Variants in PRKN observed in about 807,000 individuals in gnomAD.
PRKN encodes the protein E3 ubiquitin-protein ligase parkin.
In PRKN, 56 loss-of-function variants were observed where a neutral mutation model predicts 59.5. That is an observed-to-expected ratio of 0.94 (90% CI 0.76 to 1.18). The LOEUF is 1.18. Among genes scored for constraint, PRKN ranks in the 50% most tolerant of loss-of-function variants. The probability of loss-of-function intolerance (pLI) is 0.00; values close to 1 mark genes in which losing one functional copy is unlikely to be tolerated. For missense variants in PRKN, 657 were observed against 596.4 expected, an observed-to-expected ratio of 1.10 and a Z score of -1.06; for synonymous variants, 250 against 222.1, an observed-to-expected ratio of 1.13 and a Z score of -1.12.
intron 6 of PRKN, among the ~76,000 whole-genome samples, chr6:161,889,714 G>C (rs1795275277): frequency 6.6e-6 from 1 of 152,164 alleles, no homozygotes. Context: ...CAACACAACT[G>C]TAAGACAATT....
chr6:162,153,002 T>C lies in PRKN; in HGVS notation c.534+48129A>G, dbSNP rs114664902. On this transcript the variant is annotated intron_variant, in intron 4 of 11. Transcript: ENST00000366898. ...CTCCAAAGTCGATGATGTTCAAAAA[T>C]AGTAGATTAAACCAAATTAAACAGA... 5.2e-3 allele frequency among the ~76,000 whole-genome samples: 795 copies of C among 152,318 alleles called. 5 individuals carry two copies. Among genetic ancestry groups the C allele is most frequent in the African/African-American group, 0.018 (763 of 41,566 alleles).
At chr6:162,001,428 G>A (rs187417175) in intron 5 of PRKN, among the ~76,000 whole-genome samples, 23 of 152,078 alleles carry the variant, frequency 1.5e-4, no homozygotes, top group South Asian at 2.1e-4. Context: ...ATGTTATTGC[G>A]TTCTTAATCC....
At chr6:162,659,192 C>A (rs990435927) in intron 1 of PRKN, among the ~76,000 whole-genome samples, 4 of 152,118 alleles carry the variant, frequency 2.6e-5, no homozygotes, top group Admixed American at 2.0e-4. Flanking sequence ...AAATACAATT[C>A]ATTTCTGGCT....
rs1786483246 is a variant in PRKN, at chr6:161,391,063, T to A, written c.1084-4186A>T. On this transcript the variant is annotated intron_variant, in intron 9 of 11. Transcript: ENST00000366898. The surrounding 1 kb of genome is among the most constrained non-coding windows in gnomAD (Gnocchi z 4.9). ...TTCTTAAGACAGTGTTCGGGCCAGT[T>A]TGCAAACACTTCCCATGGCATAGCT... 3.9e-5 allele frequency among the ~76,000 whole-genome samples: 6 copies of A among 152,090 alleles called. No individual in the cohort carries two copies. The highest frequency in any genetic ancestry group is 3.9e-4 in the Admixed American group (6 of 15,274).
chr6:161,910,025 C>T (rs1029403154), intron 6 of PRKN, among the ~76,000 whole-genome samples: 3 of 152,096 alleles, frequency 2.0e-5, no homozygotes, highest in Admixed American at 6.5e-5. Context: ...AAGATGCTGA[C>T]GCTAGCCCTC....
intron 1 of PRKN, among the ~76,000 whole-genome samples, chr6:162,532,304 C>G (rs904642067): frequency 6.6e-6 from 1 of 152,216 alleles, no homozygotes; most frequent in Non-Finnish European, 1.5e-5. Flanking sequence ...TGCACGCACA[C>G]AAGCATATTC....
intron 4 of PRKN, among the ~76,000 whole-genome samples, chr6:162,085,723 A>C (rs1283055810): frequency 6.6e-6 from 1 of 152,102 alleles, no homozygotes; most frequent in East Asian, 1.9e-4. Context: ...ACTCTTTTCA[A>C]ATCAGGTGGG....
Position 161,419,545 on chromosome 6 carries a change from G to A in PRKN, c.1084-32668C>T, listed in dbSNP as rs536766624. Among the ~76,000 whole-genome samples the A allele has an allele frequency of 8.6e-5, 13 of 151,980 alleles. No homozygotes were observed. The highest frequency in any genetic ancestry group is 6.3e-4 in the South Asian group (3 of 4,792). ...TGGGATTACAGGTACACGCCACTGCGCCTGGCTAATTTTTGTATTTTTTTA... is the reference window on the plus strand; with the variant it reads ...TGGGATTACAGGTACACGCCACTGCACCTGGCTAATTTTTGTATTTTTTTA... On this transcript the variant is annotated intron_variant, in intron 9 of 11. Coordinates refer to ENST00000366898, the MANE Select transcript of PRKN (RefSeq NM_004562.3). This position sits in a 1 kb window ranked among gnomAD's most constrained non-coding sequence, Gnocchi z 4.1.
intron 4 of PRKN, among the ~76,000 whole-genome samples, chr6:162,200,643 A>G (rs1784687025): frequency 6.6e-6 from 1 of 152,164 alleles, no homozygotes; most frequent in African/African-American, 2.4e-5. Flanking sequence ...TTATATGCAT[A>G]CTGTTTGCTG....
At chr6:162,505,798 T>G (rs967856848) in intron 1 of PRKN, among the ~76,000 whole-genome samples, 2 of 152,134 alleles carry the variant, frequency 1.3e-5, no homozygotes, top group Admixed American at 6.6e-5. Context: ...AAACTGTGAG[T>G]ATTTGTCACA....
At chr6:161,421,949 G>T (rs1246454198) in intron 9 of PRKN, among the ~76,000 whole-genome samples, 1 of 152,052 alleles carries the variant, frequency 6.6e-6, no homozygotes, top group Non-Finnish European at 1.5e-5. Context: ...CAGAAGTAAA[G>T]AATTTTGATA....
intron 10 of PRKN, among the ~76,000 whole-genome samples, chr6:161,374,558 G>A (rs1562403568): frequency 1.1e-4 from 14 of 125,726 alleles, no homozygotes; most frequent in South Asian, 2.5e-4. Flanking sequence ...TGTGTGATGT[G>A]TGTGTGGTGT....
chr6:162,444,010 A>T (rs1168789987), intron 1 of PRKN, among the ~76,000 whole-genome samples: 1 of 152,190 alleles, frequency 6.6e-6, no homozygotes. Context: ...CACTGGGTCT[A>T]TGAAGACAAT....
rs377654828 is a variant in PRKN at position 161,867,740 on chromosome 6, C to CATTCATTTATTTATTTATTT, written c.735-81833_735-81832insAAATAAATAAATAAATGAAT. ...ATTAGCAATCATGGGAAAAATCTTT[C>CATTCATTTATTTATTTATTT]ATTTATTTATTTATTTATTTATTTA... On this transcript the variant is annotated intron_variant, in intron 6 of 11. Coordinates refer to ENST00000366898, the MANE Select transcript of PRKN (RefSeq NM_004562.3). Among the ~76,000 whole-genome samples the CATTCATTTATTTATTTATTT allele has an allele frequency of 1.4e-3, 197 of 137,600 alleles. 2 individuals carry two copies. The highest frequency in any genetic ancestry group is 5.2e-3 in the African/African-American group (177 of 34,196). The allele number at this position is 137,600 out of a possible 152,430, so 90.3% of individuals were successfully genotyped here.
intron 2 of PRKN, among the ~76,000 whole-genome samples, chr6:162,379,463 C>T (rs930493109): frequency 6.6e-6 from 1 of 152,154 alleles, no homozygotes; most frequent in African/African-American, 2.4e-5. Context: ...ACTTCTTTCT[C>T]TACCCCTCAA....
intron 2 of PRKN, among the ~76,000 whole-genome samples, chr6:162,407,818 C>A (rs529932242): frequency 1.1e-4 from 17 of 152,206 alleles, no homozygotes; most frequent in South Asian, 4.1e-4. Context: ...TAATGTCTTG[C>A]TAGAGCAAAG....
At chr6:162,387,555 CAG>C (rs60548327) in intron 2 of PRKN, among the ~76,000 whole-genome samples, 12,345 of 94,088 alleles carry the variant, frequency 0.13, 715 homozygotes, top group East Asian at 0.3. Context: ...CACACACACA[CAG>C]AGAGAGAGAG....
chr6:162,450,411 G>A (rs933885046), intron 1 of PRKN, among the ~76,000 whole-genome samples: 1 of 148,232 alleles, frequency 6.7e-6, no homozygotes, highest in Admixed American at 6.8e-5. Context: ...CCCTATGATT[G>A]TAACACCCCT....
rs1490934252 is a variant in PRKN at position 161,466,492 on chromosome 6, C to T, written c.1084-79615G>A. 6.6e-6 allele frequency among the ~76,000 whole-genome samples: 1 copy of T among 152,160 alleles called. No homozygotes were observed. The highest frequency in any genetic ancestry group is 6.5e-5 in the Admixed American group (1 of 15,280). ...TAGTTTCTATTTTTGCACTCATCTG[C>T]TCTGATCTGTTTAGGCAGAAGCTTA... is the stretch of plus-strand genomic sequence containing the variant. On this transcript the variant is annotated intron_variant, in intron 9 of 11. Coordinates refer to ENST00000366898, the MANE Select transcript of PRKN (RefSeq NM_004562.3). The surrounding 1 kb of genome is among the most constrained non-coding windows in gnomAD (Gnocchi z 5.0).
Sources: gnomAD v4.1 joint callset for allele counts (sites outside exome capture counted in the v4.1 genomes callset) on GRCh38, gnomAD v4.1.1 for gene constraint, Gnocchi (gnomAD v3.1) non-coding constraint, MANE v1.5 for transcripts, NCBI Gene and HGNC (gene_info 2026-07-23, HGNC 2026-07-21) for gene names.